HSDL1: variants seen among roughly 807,000 people sequenced by gnomAD.
HSDL1 encodes the protein inactive hydroxysteroid dehydrogenase-like protein 1.
A neutral mutation model predicts 31.5 loss-of-function variants in HSDL1; 29 were observed. The observed-to-expected ratio is 0.92, with a 90% CI of 0.69 to 1.26. The LOEUF is 1.26. Among genes scored for constraint, HSDL1 ranks in the 50% most tolerant of loss-of-function variants. The pLI is 0.00. For synonymous variants in HSDL1, 222 were observed against 155.2 expected, an observed-to-expected ratio of 1.43 and a Z score of -3.20; for missense variants, 503 against 416.6, an observed-to-expected ratio of 1.21 and a Z score of -1.81.
At position 84,123,301 on chromosome 16, in the gene HSDL1, A is replaced by G. The variant is rs1174330280; in HGVS notation, c.*1329T>C. 1 of 152,216 alleles carries G rather than the reference A, an allele frequency of 6.6e-6. No homozygotes were observed. The highest frequency in any genetic ancestry group is 1.5e-5 in the Non-Finnish European group (1 of 68,042). 9.4% of individuals were successfully genotyped at this position (152,216 alleles called of 1,614,324 possible). A position where few individuals can be genotyped will look rare whatever the true frequency, so the allele number is the denominator to read the frequency against. On this transcript the variant is annotated 3_prime_UTR_variant, in exon 6 of 6. Transcript: ENST00000219439. ...CGAAAAAAATGCCACAGAAGTCCAG[A>G]CTTTTAACCAATCTACTAGCTTCTG...
At chr16:84,131,021 A>C in intron 3 of HSDL1, 81 bp downstream of exon 3, 1 of 1,121,382 alleles carries the variant, frequency 8.9e-7, no homozygotes, top group South Asian at 1.5e-5. Context: ...TCCCATAAAA[A>C]CACCACATTA....
chr16:84,129,452 C>T, intron 5 of HSDL1, 96 bp downstream of exon 5: 1 of 888,780 alleles, frequency 1.1e-6, no homozygotes, highest in Non-Finnish European at 1.8e-6. Context: ...TCAGAATTTA[C>T]AATTCTCATC....
intron 1 of HSDL1, among the ~76,000 whole-genome samples, chr16:84,141,484 G>C (rs1418124458): frequency 1.3e-5 from 2 of 152,268 alleles, no homozygotes; most frequent in Non-Finnish European, 2.9e-5. Context: ...CAGTGCTGCA[G>C]GGAGCGCTTG....
At chr16:84,142,085 C>A (rs1314731254) in intron 1 of HSDL1, among the ~76,000 whole-genome samples, 1 of 152,032 alleles carries the variant, frequency 6.6e-6, no homozygotes, top group Non-Finnish European at 1.5e-5. Flanking sequence ...TACCACCAAG[C>A]CCAGTTAAAT....
At chr16:84,141,521 G>C (rs1412431073) in intron 1 of HSDL1, among the ~76,000 whole-genome samples, 3 of 152,268 alleles carry the variant, frequency 2.0e-5, no homozygotes, top group Non-Finnish European at 4.4e-5. Context: ...ACCTGTGCAA[G>C]AGTTCGCAAA....
intron 2 of HSDL1, among the ~76,000 whole-genome samples, chr16:84,131,829 G>A (rs1876965): frequency 0.28 from 42,400 of 151,956 alleles, 6,440 homozygotes; most frequent in Non-Finnish European, 0.34. Context: ...ACAGGCGCCC[G>A]CCACCTCGCC....
At chr16:84,139,959 C>G (rs2086749578) in intron 1 of HSDL1, among the ~76,000 whole-genome samples, 1 of 152,114 alleles carries the variant, frequency 6.6e-6, no homozygotes, top group South Asian at 2.1e-4. Flanking sequence ...ACTCCAAATC[C>G]TCTGTTCTTC....
chr16:84,126,746 A>T (rs1452571183), intron 5 of HSDL1, among the ~76,000 whole-genome samples: 1 of 152,046 alleles, frequency 6.6e-6, no homozygotes, highest in African/African-American at 2.4e-5. Context: ...CCACACACAC[A>T]CACACTCACG....
chr16:84,129,579 C>A lies in HSDL1; in HGVS notation c.863G>T (p.Arg288Met). Residue 288 changes from arginine to methionine, a missense_variant, in exon 5 of 6, where the codon AGG becomes ATG. Coordinates refer to ENST00000219439, the MANE Select transcript of HSDL1 (RefSeq NM_031463.5). ...AGAATGGGACCAATATCCTGTGGTC[C>A]TTTTGGAAATCCCAAGAGTAGAAAC... ...HAVSTLGISK[R>M]TTGYWSHSIQ... is the part of the protein sequence containing the mutation. The A allele has an allele frequency of 6.2e-7, 1 of 1,614,120 alleles. No homozygotes were observed. Among genetic ancestry groups the A allele is most frequent in the Non-Finnish European group, 8.5e-7 (1 of 1,180,002 alleles).
rs1219451145 is a variant in HSDL1, at chr16:84,129,983, G to A, written c.666+3C>T. 6 of 1,611,264 alleles carry A rather than the reference G, an allele frequency of 3.7e-6. No individual in the cohort carries two copies. In the East Asian group the frequency reaches 1.3e-4, roughly 36 times the overall value. On this transcript the variant is annotated splice_donor_region_variant and intron_variant, in intron 4 of 5. Transcript: ENST00000219439. ...TTTCATCTTCCAGTAAGTAACATCT[G>A]ACCTTAGAAGCAGAAAATGCAGCCA...
chr16:84,134,671 A>C (rs921478246), intron 2 of HSDL1, among the ~76,000 whole-genome samples: 18 of 152,304 alleles, frequency 1.2e-4, no homozygotes, highest in African/African-American at 4.3e-4. Flanking sequence ...AGACCATCCT[A>C]AATTGTGAGT....
Position 84,129,789 on chromosome 16 carries a change from G to A in HSDL1, c.667-14C>T, listed in dbSNP as rs750055804. 2 of 1,589,918 alleles carry A rather than the reference G, an allele frequency of 1.3e-6. No homozygotes were observed. Among genetic ancestry groups the A allele is most frequent in the Non-Finnish European group, 1.7e-6 (2 of 1,162,170 alleles). On this transcript the variant is annotated splice_polypyrimidine_tract_variant and intron_variant, in intron 4 of 5. Transcript: ENST00000219439. Reference sequence around the variant, plus strand: ...GTCTAAATAAGCCTGTTGAGACAGAGGGGAGGAAAAGACTTTTAATTCTGG... The same window carrying A: ...GTCTAAATAAGCCTGTTGAGACAGAAGGGAGGAAAAGACTTTTAATTCTGG...
At chr16:84,137,464 C>T (rs2086723312) in intron 1 of HSDL1, among the ~76,000 whole-genome samples, 1 of 152,146 alleles carries the variant, frequency 6.6e-6, no homozygotes, top group African/African-American at 2.4e-5. Context: ...TCCTTGAGCA[C>T]CAAGGGAGGG....
chr16:84,141,215 A>G (rs1055416017), intron 1 of HSDL1, among the ~76,000 whole-genome samples: 2 of 118,244 alleles, frequency 1.7e-5, no homozygotes, highest in African/African-American at 4.4e-5. Context: ...AGACTCATCC[A>G]TGCCCCTGCA....
Position 84,130,214 on chromosome 16 carries a change from G to A in HSDL1, c.438C>T (p.Gly146=). Residue 146 remains glycine (G), a synonymous_variant, in exon 4 of 6, where the codon GGC becomes GGT. Coordinates refer to ENST00000219439, the MANE Select transcript of HSDL1 (RefSeq NM_031463.5). ...IREALKDKDV[G]ILVNNVGVFY... is the part of the protein sequence containing the mutation. ...ACACACCCACGTTATTTACCAAGAT[G>A]CCAACGTCTTTGTCCTTCAGGGCTT... 1 of 1,614,188 alleles carries A rather than the reference G, an allele frequency of 6.2e-7. No individual in the cohort carries two copies. The highest frequency in any genetic ancestry group is 8.5e-7 in the Non-Finnish European group (1 of 1,180,040).
chr16:84,131,311 A>G lies in HSDL1; in HGVS notation c.11T>C (p.Val4Ala). The G allele has an allele frequency of 6.2e-7, 1 of 1,613,700 alleles. No individual in the cohort carries two copies. The highest frequency in any genetic ancestry group is 8.5e-7 in the Non-Finnish European group (1 of 1,179,728). The change falls in exon 3 of 6, where the codon GTT (valine) becomes GCT (alanine). Residue 4 changes from valine (V) to alanine (A), a missense_variant. Val to Ala is a moderately conservative substitution (Grantham distance 64, BLOSUM62 0). Coordinates refer to ENST00000219439, the MANE Select transcript of HSDL1 (RefSeq NM_031463.5). Reference protein sequence around the residue: MAAVDSFYLLYREI... With the variant: MAAADSFYLLYREI... ...CCTGTACAAGAGGTAGAAACTGTCA[A>G]CAGCAGCCATGGCAACCTGCAGGGA...
intron 5 of HSDL1, among the ~76,000 whole-genome samples, chr16:84,125,832 G>A (rs961839491): frequency 5.9e-5 from 9 of 152,190 alleles, no homozygotes; most frequent in Admixed American, 5.9e-4. Context: ...GGCTGGGCAC[G>A]CTGGCTCATG....
At chr16:84,126,130 T>G (rs2086604596) in intron 5 of HSDL1, among the ~76,000 whole-genome samples, 1 of 147,434 alleles carries the variant, frequency 6.8e-6, no homozygotes, top group Non-Finnish European at 1.5e-5. Context: ...CACCACAAAA[T>G]CATTATAGGA....
rs80247475 is a variant in HSDL1 at position 84,143,358 on chromosome 16, G to A, written c.-69+1722C>T. Reference sequence around the variant, plus strand: ...GGACAGAAACCAAATACAAAAGGCCGTATGTTGTATGTTTCCACTTGTATG... The same window carrying A: ...GGACAGAAACCAAATACAAAAGGCCATATGTTGTATGTTTCCACTTGTATG... On this transcript the variant is annotated intron_variant, in intron 1 of 5. Transcript: ENST00000219439. Among the ~76,000 whole-genome samples, 58 of 152,274 alleles carry A rather than the reference G, an allele frequency of 3.8e-4. No individual in the cohort carries two copies. The East Asian group carries it at 0.011, about 29-fold the overall frequency.
Sources: allele counts gnomAD v4.1 joint callset (sites outside exome capture counted in the v4.1 genomes callset), GRCh38; gene constraint gnomAD v4.1.1; transcripts MANE v1.5; gene names NCBI Gene and HGNC (gene_info 2026-07-23, HGNC 2026-07-21).